ADGRL2: variants seen among roughly 807,000 people sequenced by gnomAD.
ADGRL2 encodes the protein calcium-independent alpha-latrotoxin receptor 2.
A neutral mutation model predicts 157.4 loss-of-function variants in ADGRL2; 44 were observed. The observed-to-expected ratio is 0.28, with a 90% CI of 0.22 to 0.36. The LOEUF is 0.36. Ranked by LOEUF, ADGRL2 falls within the 10% of genes least tolerant of loss-of-function variation. ADGRL2 has a pLI of 1.00. For synonymous variants in ADGRL2, 585 were observed against 624.7 expected, an observed-to-expected ratio of 0.94 and a Z score of 0.95; for missense variants, 1,510 against 1,768.9, an observed-to-expected ratio of 0.85 and a Z score of 2.63.
intron 2 of ADGRL2, among the ~76,000 whole-genome samples, chr1:81,769,134 A>G (rs545087284): frequency 6.6e-6 from 1 of 152,246 alleles, no homozygotes; most frequent in East Asian, 1.9e-4. Context: ...TAATATCTGT[A>G]CTAATCTACT....
intron 1 of ADGRL2, among the ~76,000 whole-genome samples, chr1:81,361,041 C>A (rs1327369010): frequency 2.0e-5 from 3 of 151,818 alleles, no homozygotes; most frequent in Non-Finnish European, 2.9e-5. Context: ...CCTAATCTTG[C>A]ACTGTTGGGC....
At chr1:81,816,933 C>T (rs894344124) in intron 1 of ADGRL2, among the ~76,000 whole-genome samples, 1 of 149,516 alleles carries the variant, frequency 6.7e-6, no homozygotes, top group Non-Finnish European at 1.5e-5. Flanking sequence ...AATGGTATCT[C>T]ATGAATGTTG....
intron 1 of ADGRL2, among the ~76,000 whole-genome samples, chr1:81,743,651 T>C (rs1460752141): frequency 2.0e-5 from 3 of 152,098 alleles, no homozygotes; most frequent in African/African-American, 7.2e-5. Context: ...CAGTCATCTA[T>C]TAACCTACTG....
intron 1 of ADGRL2, among the ~76,000 whole-genome samples, chr1:81,317,294 G>T (rs150402412): frequency 6.6e-6 from 1 of 152,182 alleles, no homozygotes; most frequent in African/African-American, 2.4e-5. Context: ...CAACTCTGTT[G>T]TATCTCTCTC....
chr1:81,984,633 C>A lies in ADGRL2; in HGVS notation c.3333C>A (p.Gly1111=), dbSNP rs753816054. 1 of 1,612,780 alleles carries A rather than the reference C, an allele frequency of 6.2e-7. No individual in the cohort carries two copies. Among genetic ancestry groups the A allele is most frequent in the Admixed American group, 1.7e-5 (1 of 59,932 alleles). The change falls in exon 20 of 24, where the codon GGC becomes GGA. Residue 1111 remains glycine (G), a synonymous_variant. Coordinates refer to ENST00000686636, the MANE Select transcript of ADGRL2 (RefSeq NM_001366006.2). ...KCFRHSYCCG[G]LPTESPHSSV... The stretch of plus-strand genomic sequence containing the variant: ...TCAGACACTCATACTGCTGTGGAGG[C>A]CTCCCAACTGAGAGTCCCCACAGTT...
intron 1 of ADGRL2, among the ~76,000 whole-genome samples, chr1:81,417,959 TA>T (rs985122111): frequency 6.6e-6 from 1 of 152,104 alleles, no homozygotes; most frequent in African/African-American, 2.4e-5. Context: ...CTTCTTTTTT[TA>T]AAAAAATGTA....
chr1:81,381,846 G>A (rs950067835), intron 1 of ADGRL2, among the ~76,000 whole-genome samples: 1 of 152,116 alleles, frequency 6.6e-6, no homozygotes, highest in Non-Finnish European at 1.5e-5. Context: ...CATAATAATT[G>A]TTGTATCAAA....
intron 2 of ADGRL2, among the ~76,000 whole-genome samples, chr1:81,486,128 A>G (rs2078495198): frequency 1.3e-5 from 2 of 152,246 alleles, no homozygotes; most frequent in South Asian, 4.1e-4. Flanking sequence ...CAAAACAAGC[A>G]AGAATTATTT....
chr1:81,411,589 T>G (rs926534478), intron 1 of ADGRL2, among the ~76,000 whole-genome samples: 25 of 152,210 alleles, frequency 1.6e-4, no homozygotes, highest in Non-Finnish European at 3.7e-4. Flanking sequence ...CTACTGGAAA[T>G]AGTTTTAAAG....
At chr1:81,845,123 T>G (rs1455103385) in intron 2 of ADGRL2, among the ~76,000 whole-genome samples, 1 of 152,090 alleles carries the variant, frequency 6.6e-6, no homozygotes, top group Admixed American at 6.6e-5. Context: ...TATACTCTTA[T>G]ATTCATATTT....
chr1:81,839,920 T>C (rs1455456049), intron 2 of ADGRL2, among the ~76,000 whole-genome samples: 1 of 127,242 alleles, frequency 7.9e-6, no homozygotes, highest in East Asian at 2.0e-4. Flanking sequence ...CCATCATATA[T>C]ATATGATGGA....
chr1:81,788,953 T>A (rs61775273), intron 2 of ADGRL2, among the ~76,000 whole-genome samples: 11,293 of 152,214 alleles, frequency 0.074, 484 homozygotes, highest in African/African-American at 0.11. Context: ...CCTGACCTCG[T>A]GATCCACCCG....
chr1:81,991,247 C>G lies in ADGRL2; in HGVS notation c.*102C>G, dbSNP rs1664554813. On this transcript the variant is annotated 3_prime_UTR_variant, in exon 24 of 24. Coordinates refer to ENST00000686636, the MANE Select transcript of ADGRL2 (RefSeq NM_001366006.2). Reference sequence around the variant, plus strand: ...TCAAACTCTGCTTGAAGAGATGACTCTTGACCTGTGGTTCTCTGGTGTAAA... The same window carrying G: ...TCAAACTCTGCTTGAAGAGATGACTGTTGACCTGTGGTTCTCTGGTGTAAA... 9.3e-7 allele frequency: 1 copy of G among 1,070,238 alleles called. No individual in the cohort carries two copies. Among genetic ancestry groups the G allele is most frequent in the Non-Finnish European group, 1.3e-6 (1 of 746,364 alleles). The allele number at this position is 1,070,238 out of a possible 1,614,324, so 66.3% of individuals were successfully genotyped here.
At chr1:81,763,099 T>C (rs931373425) in intron 2 of ADGRL2, among the ~76,000 whole-genome samples, 2 of 145,248 alleles carry the variant, frequency 1.4e-5, no homozygotes, top group African/African-American at 5.1e-5. Context: ...CACAAAAGAA[T>C]GGGAATATAA....
chr1:81,485,097 T>C (rs572080774), intron 2 of ADGRL2, among the ~76,000 whole-genome samples: 22 of 151,648 alleles, frequency 1.5e-4, no homozygotes, highest in African/African-American at 5.1e-4. Flanking sequence ...AGTAGAACAT[T>C]AGTTCAGCTT....
intron 3 of ADGRL2, among the ~76,000 whole-genome samples, chr1:81,643,515 C>G (rs2082259961): frequency 6.6e-6 from 1 of 151,980 alleles, no homozygotes; most frequent in South Asian, 2.1e-4. Context: ...CACTATGTTG[C>G]CCAGGCTGGT....
chr1:81,598,046 G>T (rs1334903102), intron 3 of ADGRL2, among the ~76,000 whole-genome samples: 2 of 152,188 alleles, frequency 1.3e-5, no homozygotes, highest in African/African-American at 4.8e-5. Flanking sequence ...TCTGCCTCCA[G>T]AGGTAACAAC....
chr1:81,896,982 C>T (rs955514437), intron 2 of ADGRL2, among the ~76,000 whole-genome samples: 2 of 152,200 alleles, frequency 1.3e-5, no homozygotes, highest in Admixed American at 6.5e-5. Context: ...AAGGAGGTCT[C>T]ATCCCCCATG....
intron 2 of ADGRL2, among the ~76,000 whole-genome samples, chr1:81,787,720 G>A (rs1242180571): frequency 2.0e-5 from 3 of 151,758 alleles, no homozygotes. Flanking sequence ...GTGACAGGTG[G>A]GGAGAAAAAA....
Sources: gnomAD v4.1 joint callset for allele counts (sites outside exome capture counted in the v4.1 genomes callset) on GRCh38, gnomAD v4.1.1 for gene constraint, MANE v1.5 for transcripts, NCBI Gene and HGNC (gene_info 2026-07-23, HGNC 2026-07-21) for gene names.